The following TCERG1L variants were observed in gnomAD, a reference collection of about 807,000 sequenced individuals.
TCERG1L encodes the protein transcription elongation regulator 1 like.
A neutral mutation model predicts 56.3 loss-of-function variants in TCERG1L; 37 were observed. That is an observed-to-expected ratio of 0.66 (90% confidence interval 0.51 to 0.87). TCERG1L has a LOEUF of 0.87. TCERG1L is among the 40% of genes least tolerant of loss of function. The pLI, the probability that TCERG1L is intolerant of heterozygous loss-of-function variation, is 0.00. For missense variants in TCERG1L, 799 were observed against 774.2 expected (o/e 1.03, Z -0.38); for synonymous variants, 324 against 326.3 (o/e 0.99, Z 0.08).
intron 3 of TCERG1L, among the ~76,000 whole-genome samples, chr10:131,303,788 C>T (rs1005581393): frequency 6.6e-6 from 1 of 152,046 alleles, no homozygotes; most frequent in African/African-American, 2.4e-5. Context: ...TCCTTGCATT[C>T]TTTTCTCATT....
intron 4 of TCERG1L, among the ~76,000 whole-genome samples, chr10:131,189,238 TA>T (rs1845280444): frequency 6.6e-6 from 1 of 152,220 alleles, no homozygotes; most frequent in African/African-American, 2.4e-5. Context: ...CATGCATAGA[TA>T]GGGTAATGGT....
At chr10:131,301,346 TA>T (rs1475926792) in intron 3 of TCERG1L, among the ~76,000 whole-genome samples, 1 of 152,154 alleles carries the variant, frequency 6.6e-6, no homozygotes, top group African/African-American at 2.4e-5. Flanking sequence ...ATAATTATCA[TA>T]AAAAACTCTT....
Position 131,172,888 on chromosome 10 carries a change from A to ATTT in TCERG1L, c.857-6006_857-6004dup, listed in dbSNP as rs3065371. 4.9e-3 allele frequency among the ~76,000 whole-genome samples: 657 copies of ATTT among 135,440 alleles called. 9 individuals are homozygous for ATTT. Among genetic ancestry groups the ATTT allele is most frequent in the Admixed American group, 6.5e-3 (87 of 13,318 alleles). 88.9% of individuals were successfully genotyped at this position (135,440 alleles called of 152,430 possible). On this transcript the variant is annotated intron_variant, in intron 4 of 11. Coordinates refer to ENST00000368642, the MANE Select transcript of TCERG1L (RefSeq NM_174937.4). Reference sequence around the variant, plus strand: ...ATTGTTGTAGAGAGAATAATCAATGATTTTTTTTTTTTTTTTTTGAGATGG... The same window carrying ATTT: ...ATTGTTGTAGAGAGAATAATCAATGATTTTTTTTTTTTTTTTTTTTTGAGATGG...
chr10:131,308,543 A>G (rs949199154), intron 2 of TCERG1L, among the ~76,000 whole-genome samples, 152 bp from the exon 3 acceptor site: 3 of 152,238 alleles, frequency 2.0e-5, no homozygotes, highest in African/African-American at 7.2e-5. Context: ...TAAAACTTAA[A>G]GAAGTTCCAC....
chr10:131,148,766 T>TCCAGC (rs1845831040), intron 6 of TCERG1L, among the ~76,000 whole-genome samples: 1 of 152,172 alleles, frequency 6.6e-6, no homozygotes, highest in Admixed American at 6.5e-5. Context: ...TCCAGAAGGA[T>TCCAGC]CCAGCCCTGC....
intron 4 of TCERG1L, among the ~76,000 whole-genome samples, chr10:131,193,582 C>A (rs892816205): frequency 1.6e-4 from 25 of 152,224 alleles, no homozygotes; most frequent in African/African-American, 5.1e-4. Context: ...ATGTTCCCAG[C>A]ACCATTTATG....
Position 131,191,449 on chromosome 10 carries a change from T to A in TCERG1L, c.857-24564A>T, listed in dbSNP as rs527804547. Among the ~76,000 whole-genome samples the A allele has an allele frequency of 1.4e-5, 2 of 142,954 alleles. 1 individual carries two copies. The highest frequency in any genetic ancestry group is 5.3e-5 in the African/African-American group (2 of 37,962). 93.8% of individuals were successfully genotyped at this position (142,954 alleles called of 152,430 possible). ...AGCAATCCTAAGCAAAACAAACAAA[T>A]CTGGAGGCATCACATTACTGGACCT... On this transcript the variant is annotated intron_variant, in intron 4 of 11. Coordinates refer to ENST00000368642, the MANE Select transcript of TCERG1L (RefSeq NM_174937.4).
At chr10:131,200,816 A>C (rs542203596) in intron 4 of TCERG1L, among the ~76,000 whole-genome samples, 1 of 152,254 alleles carries the variant, frequency 6.6e-6, no homozygotes, top group African/African-American at 2.4e-5. Context: ...TTAGAAGTTA[A>C]AACTTAATGG....
At chr10:131,272,678 A>G (rs1188009237) in intron 3 of TCERG1L, among the ~76,000 whole-genome samples, 1 of 152,146 alleles carries the variant, frequency 6.6e-6, no homozygotes, top group Non-Finnish European at 1.5e-5. Flanking sequence ...CTCCCACACC[A>G]CAGCCTGGTC....
chr10:131,281,849 C>T (rs1410317684), intron 3 of TCERG1L, among the ~76,000 whole-genome samples: 1 of 143,382 alleles, frequency 7.0e-6, no homozygotes, highest in Non-Finnish European at 1.5e-5. Context: ...CAATGAAAAC[C>T]CTTCTGGCCG....
chr10:131,263,541 C>T (rs1450424782), intron 3 of TCERG1L, among the ~76,000 whole-genome samples: 2 of 152,098 alleles, frequency 1.3e-5, no homozygotes, highest in African/African-American at 4.8e-5. Context: ...TTCAAAAGTC[C>T]CACTATGAAC....
chr10:131,207,070 C>T (rs528716663), intron 4 of TCERG1L, among the ~76,000 whole-genome samples: 5 of 152,306 alleles, frequency 3.3e-5, no homozygotes, highest in South Asian at 2.1e-4. Flanking sequence ...TCCTTTTCAG[C>T]GAGCGTCGGA....
chr10:131,223,842 C>A (rs1769714240), intron 4 of TCERG1L, among the ~76,000 whole-genome samples: 1 of 151,876 alleles, frequency 6.6e-6, no homozygotes, highest in Non-Finnish European at 1.5e-5. Flanking sequence ...CTCCCCTGGC[C>A]CTCCCCCTGC....
At chr10:131,134,265 G>A (rs535849921) in intron 8 of TCERG1L, 114 bp downstream of exon 8, 111 of 928,704 alleles carry the variant, frequency 1.2e-4, no homozygotes, top group South Asian at 8.2e-4. Context: ...TCTGTCTAGC[G>A]GTTGAATTAG....
At chr10:131,215,578 A>C (rs2133492728) in intron 4 of TCERG1L, among the ~76,000 whole-genome samples, 1 of 152,314 alleles carries the variant, frequency 6.6e-6, no homozygotes, top group South Asian at 2.1e-4. Flanking sequence ...CTGAGGTCAG[A>C]GTTCCCGGGA....
intron 4 of TCERG1L, among the ~76,000 whole-genome samples, chr10:131,237,046 C>T (rs1845920026): frequency 6.6e-6 from 1 of 151,998 alleles, no homozygotes; most frequent in Non-Finnish European, 1.5e-5. Context: ...AATCCCTAGG[C>T]AACCCAGCTC....
intron 11 of TCERG1L, among the ~76,000 whole-genome samples, chr10:131,096,795 T>C (rs1845252036): frequency 6.6e-6 from 1 of 151,174 alleles, no homozygotes; most frequent in Non-Finnish European, 1.5e-5. Context: ...TAGTCCCAGC[T>C]ACTTGGCATG....
At chr10:131,160,953 C>T in intron 6 of TCERG1L, 1 of 152,192 alleles carries the variant, frequency 6.6e-6, no homozygotes. Flanking sequence ...GTGAGGATTC[C>T]ACAGGGTCTT....
intron 4 of TCERG1L, among the ~76,000 whole-genome samples, chr10:131,200,367 A>C (rs986307470): frequency 6.6e-6 from 1 of 152,192 alleles, no homozygotes; most frequent in African/African-American, 2.4e-5. Flanking sequence ...CACCCCAAGG[A>C]GTGTGGAGGG....
Sources: gnomAD v4.1 joint callset for allele counts (sites outside exome capture counted in the v4.1 genomes callset) on GRCh38, gnomAD v4.1.1 for gene constraint, MANE v1.5 for transcripts, NCBI Gene and HGNC (gene_info 2026-07-23, HGNC 2026-07-21) for gene names.